Variants in KCNQ1 observed in about 807,000 individuals in gnomAD.
KCNQ1 encodes potassium voltage-gated channel subfamily KQT member 1.
Under a neutral mutation model 72.4 loss-of-function variants are expected in KCNQ1, and 49 were observed. That is an observed-to-expected ratio of 0.68 (90% CI 0.54 to 0.86). KCNQ1 has a LOEUF of 0.86. Ranked by LOEUF, KCNQ1 falls within the 40% of genes least tolerant of loss-of-function variation. The pLI, the probability that KCNQ1 is intolerant of heterozygous loss-of-function variation, is 0.00. For synonymous variants in KCNQ1, 450 were observed against 412.6 expected (o/e 1.09, Z -1.10); for missense variants, 790 against 945.1 (o/e 0.84, Z 2.15).
At chr11:2,533,166 C>T (rs559581675) in intron 2 of KCNQ1, among the ~76,000 whole-genome samples, 11 of 152,328 alleles carry the variant, frequency 7.2e-5, no homozygotes, top group African/African-American at 2.6e-4. Context: ...CCTGTTTTCT[C>T]GTTTCTTTTC....
intron 15 of KCNQ1, among the ~76,000 whole-genome samples, chr11:2,838,324 T>G (rs1355994934): frequency 2.0e-5 from 3 of 151,810 alleles, no homozygotes; most frequent in African/African-American, 7.3e-5. Flanking sequence ...GAAGCAGGCT[T>G]GGGGCTGGGG....
At chr11:2,527,572 T>C (rs1194074287) in intron 1 of KCNQ1, among the ~76,000 whole-genome samples, 1 of 152,236 alleles carries the variant, frequency 6.6e-6, no homozygotes, top group Non-Finnish European at 1.5e-5. Context: ...AGTCCCGCCC[T>C]GGGGCAGCCA....
At chr11:2,469,612 C>A (rs115110892) in intron 1 of KCNQ1, among the ~76,000 whole-genome samples, 1,916 of 152,128 alleles carry the variant, frequency 0.013, 32 homozygotes, top group Middle Eastern at 0.037. Context: ...AGTCCTCTAT[C>A]AGATACCTGC....
chr11:2,760,593 CG>C (rs1431052470), intron 11 of KCNQ1, among the ~76,000 whole-genome samples: 2 of 152,120 alleles, frequency 1.3e-5, no homozygotes, highest in Non-Finnish European at 2.9e-5. Context: ...GAGGAAGCCA[CG>C]GGCCTGGAGG....
chr11:2,775,385 G>A (rs73419402), intron 12 of KCNQ1, among the ~76,000 whole-genome samples: 2,493 of 152,328 alleles, frequency 0.016, 73 homozygotes, highest in African/African-American at 0.056. Context: ...GCAGATGCTC[G>A]TCACCCACAG....
At position 2,527,847 on chromosome 11, in the gene KCNQ1, C is replaced by T. The variant is rs538632886; in HGVS notation, c.387-81C>T. The T allele has an allele frequency of 2.8e-4, 365 of 1,295,342 alleles. 2 individuals carry two copies. The South Asian group carries it at 3.5e-3, about 13-fold the overall frequency. 80.2% of individuals were successfully genotyped at this position (1,295,342 alleles called of 1,614,324 possible). On this transcript the variant is annotated intron_variant, in intron 1 of 15. Coordinates refer to ENST00000155840, the MANE Select transcript of KCNQ1 (RefSeq NM_000218.3). ...TTCCTACCTGGGGGCGGGGCTGAGG[C>T]CAGGGGCCCCTCCACTCCCCAGGTG...
intron 10 of KCNQ1, chr11:2,616,246 TTTTG>T (rs1335249504): frequency 7.5e-6 from 3 of 397,704 alleles, no homozygotes; most frequent in Admixed American, 4.4e-5. Context: ...GTGTTCCTAC[TTTTG>T]TTTATGATTT....
intron 11 of KCNQ1, among the ~76,000 whole-genome samples, chr11:2,749,698 A>G (rs1286774174): frequency 6.6e-6 from 1 of 150,676 alleles, no homozygotes; most frequent in Non-Finnish European, 1.5e-5. Flanking sequence ...CTGTGGTCCC[A>G]GCTACTCAGG....
rs571840163 is a variant in KCNQ1, at chr11:2,584,577, TTGTG to T, written c.1033-629_1033-626del. Among the ~76,000 whole-genome samples, 29 of 146,456 alleles carry T rather than the reference TTGTG, an allele frequency of 2.0e-4. 1 individual carries two copies. Among genetic ancestry groups the T allele is most frequent in the East Asian group, 1.4e-3 (7 of 5,032 alleles). ...AGTGTGTATTTGTGTGTGTTAGTGT[TTGTG>T]TGTGTTTGTGGGTTAGTGTGTGTTA... is the stretch of plus-strand genomic sequence containing the variant. On this transcript the variant is annotated intron_variant, in intron 7 of 15. Transcript: ENST00000155840.
chr11:2,763,421 A>T (rs1443551773), intron 11 of KCNQ1, among the ~76,000 whole-genome samples: 1 of 151,882 alleles, frequency 6.6e-6, no homozygotes, highest in Non-Finnish European at 1.5e-5. Flanking sequence ...AAAAATAAGA[A>T]AGAAAGAAAG....
Position 2,507,024 on chromosome 11 carries a change from G to C in KCNQ1, c.387-20904G>C, listed in dbSNP as rs1449542572. Among the ~76,000 whole-genome samples, 1 of 152,108 alleles carries C rather than the reference G, an allele frequency of 6.6e-6. No individual in the cohort carries two copies. The highest frequency in any genetic ancestry group is 1.5e-5 in the Non-Finnish European group (1 of 68,028). ...GTCACTTGTCTTTGACTTTGCTTATGGTGCTTTTTGCTATGAGAAATTTCG... is the reference window on the plus strand; with the variant it reads ...GTCACTTGTCTTTGACTTTGCTTATCGTGCTTTTTGCTATGAGAAATTTCG... On this transcript the variant is annotated intron_variant, in intron 1 of 15. Coordinates refer to ENST00000155840, the MANE Select transcript of KCNQ1 (RefSeq NM_000218.3). The surrounding 1 kb of genome is among the most constrained non-coding windows in gnomAD (Gnocchi z 5.4).
intron 2 of KCNQ1, among the ~76,000 whole-genome samples, 159 bp downstream of exon 2, chr11:2,528,177 C>T (rs1847544879): frequency 6.6e-6 from 1 of 152,224 alleles, no homozygotes; most frequent in Non-Finnish European, 1.5e-5. Flanking sequence ...CCAGCCCCCA[C>T]ACTTGCCAAG....
rs1164382423 is a variant in KCNQ1 at position 2,613,651 on chromosome 11, G to A, written c.1393+24797G>A. ...CTTTTCAGGGAGTGGTTATATCAAG[G>A]TGCTCATTCCACCACCTCAGAAGTG... On this transcript the variant is annotated intron_variant, in intron 10 of 15. Transcript: ENST00000155840. This position sits in a 1 kb window ranked among gnomAD's most constrained non-coding sequence, Gnocchi z 4.8. 2 of 398,416 alleles carry A rather than the reference G, an allele frequency of 5.0e-6. No individual in the cohort carries two copies. The allele number at this position is 398,416 out of a possible 1,614,324, so 24.7% of individuals were successfully genotyped here. A position where few individuals can be genotyped will look rare whatever the true frequency, so the allele number is the denominator to read the frequency against.
At chr11:2,758,339 A>T (rs185293754) in intron 11 of KCNQ1, among the ~76,000 whole-genome samples, 1 of 152,382 alleles carries the variant, frequency 6.6e-6, no homozygotes, top group Non-Finnish European at 1.5e-5. Flanking sequence ...AATGCAGATT[A>T]AAACCACAGT....
chr11:2,510,966 C>G (rs1315623129), intron 1 of KCNQ1, among the ~76,000 whole-genome samples: 1 of 152,258 alleles, frequency 6.6e-6, no homozygotes, highest in African/African-American at 2.4e-5. Context: ...AGATCCCACA[C>G]CAGCTCCTGG....
intron 1 of KCNQ1, among the ~76,000 whole-genome samples, chr11:2,489,457 T>C (rs1485231825): frequency 6.6e-6 from 1 of 152,158 alleles, no homozygotes; most frequent in African/African-American, 2.4e-5. Context: ...CTAAATAAAC[T>C]TGTAAGGCAG....
intron 6 of KCNQ1, among the ~76,000 whole-genome samples, chr11:2,580,870 G>A (rs1308914693): frequency 6.6e-6 from 1 of 152,214 alleles, no homozygotes; most frequent in Non-Finnish European, 1.5e-5. Flanking sequence ...TGCTCCTCAA[G>A]TCTCGGGCTG....
Position 2,571,307 on chromosome 11 carries a change from C to T in KCNQ1, c.605-18C>T, listed in dbSNP as rs192254843. On this transcript the variant is annotated intron_variant, in intron 3 of 15. Transcript: ENST00000155840. ...CTGTGGCGATCACGAAAAGCTCCCCCTCTCCTGCACTCCACAGACCTCATC... is the reference window on the plus strand; with the variant it reads ...CTGTGGCGATCACGAAAAGCTCCCCTTCTCCTGCACTCCACAGACCTCATC... 7 of 1,608,848 alleles carry T rather than the reference C, an allele frequency of 4.4e-6. No individual in the cohort carries two copies. The highest frequency in any genetic ancestry group is 2.2e-5 in the East Asian group (1 of 44,880).
chr11:2,779,397 A>C (rs986196869), intron 15 of KCNQ1, among the ~76,000 whole-genome samples: 2 of 152,088 alleles, frequency 1.3e-5, no homozygotes, highest in African/African-American at 4.8e-5. Context: ...GTTTCTAGAC[A>C]TCAAGGAAAG....
Sources: allele counts gnomAD v4.1 joint callset (sites outside exome capture counted in the v4.1 genomes callset), GRCh38; gene constraint gnomAD v4.1.1; non-coding constraint Gnocchi (gnomAD v3.1); transcripts MANE v1.5; gene names NCBI Gene and HGNC (gene_info 2026-07-23, HGNC 2026-07-21).